TRIM24: variants seen among roughly 807,000 people sequenced by gnomAD.
The protein encoded by TRIM24 is transcription intermediary factor 1-alpha.
TRIM24 carries 29 observed loss-of-function variants against 123.9 expected under a neutral mutation model. That is an observed-to-expected ratio of 0.23 (90% CI 0.17 to 0.32). The LOEUF is 0.32. TRIM24 is among the 10% of genes least tolerant of loss of function. TRIM24 has a pLI of 1.00. For missense variants in TRIM24, 932 were observed against 1,295.3 expected (o/e 0.72, Z 4.31); for synonymous variants, 456 against 461.1 (o/e 0.99, Z 0.14).
At chr7:138,538,314 A>G (rs983412121) in intron 6 of TRIM24, among the ~76,000 whole-genome samples, 1 of 152,214 alleles carries the variant, frequency 6.6e-6, no homozygotes, top group Non-Finnish European at 1.5e-5. Context: ...GGTTTGCTGG[A>G]CAGTACATCT....
chr7:138,463,052 T>G (rs1466027748), intron 1 of TRIM24, among the ~76,000 whole-genome samples: 1 of 132,298 alleles, frequency 7.6e-6, no homozygotes, highest in Non-Finnish European at 1.7e-5. Flanking sequence ...TGTTTTTTTT[T>G]TTTTTTTTTT....
At position 138,551,110 on chromosome 7, in the gene TRIM24, C is replaced by T. The variant is rs368166866; in HGVS notation, c.1191C>T (p.Ser397=). The T allele has an allele frequency of 2.5e-6, 4 of 1,613,666 alleles. No individual in the cohort carries two copies. The highest frequency in any genetic ancestry group is 2.7e-5 in the African/African-American group (2 of 74,854). The change falls in exon 8 of 19, where the codon TCC becomes TCT. Residue 397 remains serine (S), a synonymous_variant. Transcript: ENST00000343526. ...TCCTTCGTGCAAGGTGTGATGCATC[C>T]CCAGTGACCAACAACACCATCCAAT... The part of the protein sequence containing the change: ...RHLLRARCDA[S]PVTNNTIQFH...
chr7:138,543,387 A>T (rs1213837691), intron 7 of TRIM24, among the ~76,000 whole-genome samples: 1 of 152,218 alleles, frequency 6.6e-6, no homozygotes, highest in Non-Finnish European at 1.5e-5. Flanking sequence ...CCTGTAATGC[A>T]TGCAGAGCTG....
chr7:138,532,749 GA>G (rs1796774843), intron 6 of TRIM24, among the ~76,000 whole-genome samples: 1 of 152,204 alleles, frequency 6.6e-6, no homozygotes, highest in Non-Finnish European at 1.5e-5. Flanking sequence ...ATTCTGTGAA[GA>G]AAGTCATTGG....
At chr7:138,463,989 C>CATTTTTTTTTTTTTTTTTTTTTTTTTT (rs1554429651) in intron 1 of TRIM24, among the ~76,000 whole-genome samples, 1 of 50,766 alleles carries the variant, frequency 2.0e-5, no homozygotes, top group African/African-American at 8.2e-5. Context: ...AAAATTTAGA[C>CATTTTTTTTTTTTTTTTTTTTTTTTTT]TTTTTTTTTT....
chr7:138,555,333 G>A (rs1189574217), intron 9 of TRIM24, among the ~76,000 whole-genome samples: 1 of 152,162 alleles, frequency 6.6e-6, no homozygotes, highest in Non-Finnish European at 1.5e-5. Flanking sequence ...CTTTGAGGAT[G>A]CAGTGTTCAG....
chr7:138,565,790 T>A (rs541774170), intron 9 of TRIM24, among the ~76,000 whole-genome samples: 1 of 152,296 alleles, frequency 6.6e-6, no homozygotes. Flanking sequence ...TCTAATGGCA[T>A]GAAATTCATG....
intron 11 of TRIM24, among the ~76,000 whole-genome samples, chr7:138,571,686 C>A (rs1016969149): frequency 2.6e-5 from 4 of 152,168 alleles, no homozygotes; most frequent in African/African-American, 4.8e-5. Context: ...AACTCACTCT[C>A]CAAACTCTTT....
At chr7:138,565,065 C>T (rs567780284) in intron 9 of TRIM24, among the ~76,000 whole-genome samples, 2 of 152,200 alleles carry the variant, frequency 1.3e-5, no homozygotes, top group South Asian at 2.1e-4. Context: ...CTGTTAGTCC[C>T]GGTCAGTCCC....
At chr7:138,539,221 T>C (rs1796952674) in intron 7 of TRIM24, among the ~76,000 whole-genome samples, 1 of 152,134 alleles carries the variant, frequency 6.6e-6, no homozygotes, top group African/African-American at 2.4e-5. Flanking sequence ...ATGTAACATG[T>C]CTAACATCAC....
chr7:138,492,052 G>A (rs1176400638), intron 1 of TRIM24, among the ~76,000 whole-genome samples: 1 of 151,266 alleles, frequency 6.6e-6, no homozygotes, highest in African/African-American at 2.4e-5. Flanking sequence ...GGTCACTTGA[G>A]CCCAGGAGTT....
intron 9 of TRIM24, among the ~76,000 whole-genome samples, chr7:138,558,763 G>A (rs1236530926): frequency 5.3e-5 from 8 of 152,254 alleles, no homozygotes. Context: ...CATATGGGCA[G>A]ACCTGGCTCT....
In TRIM24 at chr7:138,554,756, C is replaced by A; in HGVS notation, c.1320C>A (p.Val440=). ...SQPQMPKQNP[V]VEQNSQPPSG... ...CACAAATGCCTAAGCAGAATCCTGT[C>A]GTGGAACAGAATTCACAGCCACCAA... Residue 440 remains valine, a synonymous_variant, in exon 9 of 19, where the codon GTC becomes GTA. Coordinates refer to ENST00000343526, the MANE Select transcript of TRIM24 (RefSeq NM_015905.3). The surrounding 1 kb of genome is among the most constrained non-coding windows in gnomAD (Gnocchi z 4.5). 3 of 1,614,132 alleles carry A rather than the reference C, an allele frequency of 1.9e-6. No individual in the cohort carries two copies. Among genetic ancestry groups the A allele is most frequent in the Non-Finnish European group, 2.5e-6 (3 of 1,179,962 alleles).
rs1798076990 is a variant in TRIM24, at chr7:138,589,920, T to C, written c.*4969T>C. The C allele has an allele frequency of 6.6e-6, 1 of 152,234 alleles. No homozygotes were observed. The highest frequency in any genetic ancestry group is 2.1e-4 in the South Asian group (1 of 4,832). 9.4% of individuals were successfully genotyped at this position (152,234 alleles called of 1,614,324 possible). On this transcript the variant is annotated 3_prime_UTR_variant, in exon 19 of 19. Transcript: ENST00000343526. ...CTTCCTTAATTTTCAAATTAAGTCC[T>C]AATTTGAGTCCTAAAAAAATCTTTC...
At chr7:138,499,763 T>G (rs1004785368) in intron 1 of TRIM24, among the ~76,000 whole-genome samples, 1 of 152,078 alleles carries the variant, frequency 6.6e-6, no homozygotes, top group Non-Finnish European at 1.5e-5. Flanking sequence ...AGCACTGCCC[T>G]GTACATGTGC....
intron 10 of TRIM24, among the ~76,000 whole-genome samples, chr7:138,569,653 A>T (rs774148526): frequency 6.6e-6 from 1 of 152,224 alleles, no homozygotes; most frequent in Non-Finnish European, 1.5e-5. Context: ...AGTAGGTGGT[A>T]AAGAAGACAT....
intron 9 of TRIM24, among the ~76,000 whole-genome samples, chr7:138,560,587 G>T (rs1027490093): frequency 6.6e-6 from 1 of 152,176 alleles, no homozygotes; most frequent in Admixed American, 6.5e-5. Context: ...GTTTGCAAAC[G>T]GCTCGGGTGA....
At chr7:138,580,055 C>T (rs10227148) in intron 15 of TRIM24, among the ~76,000 whole-genome samples, 1,968 of 152,242 alleles carry the variant, frequency 0.013, 35 homozygotes, top group African/African-American at 0.044. Context: ...CGAACTGTAT[C>T]TTTTACAAGT....
At position 138,580,758 on chromosome 7, in the gene TRIM24, C is replaced by CAAAG. The variant is rs543777444; in HGVS notation, c.2718+66_2718+69dup. On this transcript the variant is annotated intron_variant, in intron 16 of 18. Coordinates refer to ENST00000343526, the MANE Select transcript of TRIM24 (RefSeq NM_015905.3). ...AATATTGTACTGTGGTACCTTTTGT[C>CAAAG]AAAGAGGTGTATATCCATCCAGATT... The CAAAG allele has an allele frequency of 2.0e-3, 2,994 of 1,480,530 alleles. 4 individuals are homozygous for CAAAG. Among genetic ancestry groups the CAAAG allele is most frequent in the Non-Finnish European group, 2.5e-3 (2,764 of 1,096,782 alleles). 91.7% of individuals were successfully genotyped at this position (1,480,530 alleles called of 1,614,324 possible).
Sources: allele counts gnomAD v4.1 joint callset (sites outside exome capture counted in the v4.1 genomes callset), GRCh38; gene constraint gnomAD v4.1.1; non-coding constraint Gnocchi (gnomAD v3.1); transcripts MANE v1.5; gene names NCBI Gene and HGNC (gene_info 2026-07-23, HGNC 2026-07-21).